KCNIP4: variants seen among roughly 807,000 people sequenced by gnomAD.
KCNIP4 encodes the protein Kv channel-interacting protein 4.
Under a neutral mutation model 34.0 loss-of-function variants are expected in KCNIP4, and 12 were observed. That is an observed-to-expected ratio of 0.35 (90% CI 0.23 to 0.57). The LOEUF (loss-of-function observed/expected upper bound fraction) is 0.57, where lower values mean the gene tolerates loss of function less well. Among genes scored for constraint, KCNIP4 ranks in the 20% least tolerant of loss-of-function variants. KCNIP4 has a pLI of 0.83. For synonymous variants in KCNIP4, 124 were observed against 102.2 expected (o/e 1.21, Z -1.29); for missense variants, 238 against 311.7 (o/e 0.76, Z 1.78).
At chr4:20,891,731 C>A (rs969607028) in intron 1 of KCNIP4, among the ~76,000 whole-genome samples, 6 of 152,102 alleles carry the variant, frequency 3.9e-5, no homozygotes, top group Non-Finnish European at 2.9e-5. Context: ...ATAGGGAGTA[C>A]ATTTTTTTAC....
chr4:21,289,231 T>G (rs897168917), intron 1 of KCNIP4, among the ~76,000 whole-genome samples: 3 of 152,238 alleles, frequency 2.0e-5, no homozygotes, highest in Non-Finnish European at 4.4e-5. Flanking sequence ...TAATGTGTAA[T>G]GATTCAATCA....
chr4:21,940,607 A>G (rs895787845), intron 1 of KCNIP4, among the ~76,000 whole-genome samples: 9 of 152,158 alleles, frequency 5.9e-5, no homozygotes, highest in Admixed American at 5.9e-4. Flanking sequence ...TATTTGCTGA[A>G]TTGATCTCAT....
chr4:21,883,149 C>T (rs1013888801), intron 1 of KCNIP4, among the ~76,000 whole-genome samples: 3 of 143,922 alleles, frequency 2.1e-5, no homozygotes, highest in Admixed American at 1.5e-4. Flanking sequence ...AAGTTTGTTT[C>T]TGAGTTGTTG....
intron 1 of KCNIP4, among the ~76,000 whole-genome samples, chr4:21,199,199 AG>A (rs1459469850): frequency 6.6e-6 from 1 of 152,210 alleles, no homozygotes; most frequent in Non-Finnish European, 1.5e-5. Flanking sequence ...ACAGTGTAAA[AG>A]TGTTCCTATT....
chr4:21,197,419 C>G (rs950124572), intron 1 of KCNIP4, among the ~76,000 whole-genome samples: 1 of 152,200 alleles, frequency 6.6e-6, no homozygotes, highest in South Asian at 2.1e-4. Context: ...CAATACAGCA[C>G]GTTGGATTGC....
intron 1 of KCNIP4, among the ~76,000 whole-genome samples, chr4:21,042,019 C>T (rs529379766): frequency 3.7e-4 from 56 of 152,290 alleles, no homozygotes; most frequent in Admixed American, 3.6e-3. Context: ...CAGGCATGTG[C>T]AAGCAGCCAG....
intron 1 of KCNIP4, among the ~76,000 whole-genome samples, chr4:20,914,867 C>G (rs1483593455): frequency 1.3e-5 from 2 of 152,180 alleles, no homozygotes; most frequent in Non-Finnish European, 1.5e-5. Flanking sequence ...TTCTAAAATA[C>G]ATTTGCTCCA....
intron 1 of KCNIP4, among the ~76,000 whole-genome samples, chr4:21,560,704 G>A (rs1413215732): frequency 6.6e-6 from 1 of 152,062 alleles, no homozygotes; most frequent in Non-Finnish European, 1.5e-5. Context: ...CATCAGCAAT[G>A]AAACCATTTG....
chr4:21,697,566 C>T (rs988846890), intron 1 of KCNIP4: 1 of 1,403,326 alleles, frequency 7.1e-7, no homozygotes, highest in Non-Finnish European at 9.1e-7. Flanking sequence ...CCTTACAACT[C>T]CTGTGGAATT....
At chr4:21,321,369 T>C (rs1714395226) in intron 1 of KCNIP4, among the ~76,000 whole-genome samples, 1 of 152,116 alleles carries the variant, frequency 6.6e-6, no homozygotes, top group African/African-American at 2.4e-5. Context: ...TTAAAGGAGA[T>C]AAATGCCTAT....
At chr4:21,476,477 C>G (rs1019935940) in intron 1 of KCNIP4, among the ~76,000 whole-genome samples, 1 of 152,064 alleles carries the variant, frequency 6.6e-6, no homozygotes, top group African/African-American at 2.4e-5. Context: ...CCCCTAAGGC[C>G]CCATGTGAGG....
Position 21,104,950 on chromosome 4 carries a change from C to T in KCNIP4, c.62-222241G>A, listed in dbSNP as rs1748358074. On this transcript the variant is annotated intron_variant, in intron 1 of 8. Transcript: ENST00000382152. Reference sequence around the variant, plus strand: ...GAGGACTCTGTTCTGTTCCATTGGTCTATATCTCTGTTTTGGTACAAGTAC... The same window carrying T: ...GAGGACTCTGTTCTGTTCCATTGGTTTATATCTCTGTTTTGGTACAAGTAC... 2.6e-5 allele frequency among the ~76,000 whole-genome samples: 4 copies of T among 151,582 alleles called. No individual in the cohort carries two copies. In the South Asian group the frequency reaches 8.3e-4, roughly 31 times the overall value.
chr4:21,612,783 C>T (rs1340255806), intron 1 of KCNIP4, among the ~76,000 whole-genome samples: 1 of 152,144 alleles, frequency 6.6e-6, no homozygotes, highest in Non-Finnish European at 1.5e-5. Context: ...TCCAGCACAG[C>T]AGGCAGCTTG....
intron 1 of KCNIP4, among the ~76,000 whole-genome samples, chr4:21,136,798 T>C (rs999293637): frequency 6.6e-6 from 1 of 152,200 alleles, no homozygotes; most frequent in Non-Finnish European, 1.5e-5. Context: ...GACTTAGATA[T>C]AAGGGTTGAG....
chr4:20,886,109 G>A lies in KCNIP4; in HGVS notation c.62-3400C>T, dbSNP rs533808638. Among the ~76,000 whole-genome samples, 3 of 152,278 alleles carry A rather than the reference G, an allele frequency of 2.0e-5. No individual in the cohort carries two copies. In the South Asian group the frequency reaches 6.2e-4, roughly 32 times the overall value. On this transcript the variant is annotated intron_variant, in intron 1 of 8. Coordinates refer to ENST00000382152, the MANE Select transcript of KCNIP4 (RefSeq NM_025221.6). ...GGAAGATGGAAGATGTCTACTTCTA[G>A]CCTTTACAGAATAAATGTTACTGGA...
chr4:21,861,893 C>T (rs1049258040), intron 1 of KCNIP4, among the ~76,000 whole-genome samples: 1 of 152,096 alleles, frequency 6.6e-6, no homozygotes, highest in Non-Finnish European at 1.5e-5. Flanking sequence ...AGTAAAACCC[C>T]ATCTTAACCA....
intron 1 of KCNIP4, among the ~76,000 whole-genome samples, chr4:21,004,125 G>A (rs937568205): frequency 6.6e-6 from 1 of 152,136 alleles, no homozygotes; most frequent in Non-Finnish European, 1.5e-5. Flanking sequence ...TGGATTTAAG[G>A]GGTGAGGAAA....
At chr4:21,669,049 G>A (rs891456040) in intron 1 of KCNIP4, among the ~76,000 whole-genome samples, 2 of 152,040 alleles carry the variant, frequency 1.3e-5, no homozygotes, top group Non-Finnish European at 2.9e-5. Context: ...CAATCAAGAG[G>A]AATACTTTTA....
chr4:21,892,043 G>T (rs535524928), intron 1 of KCNIP4, among the ~76,000 whole-genome samples: 1 of 152,064 alleles, frequency 6.6e-6, no homozygotes, highest in African/African-American at 2.4e-5. Context: ...ATTTACCGAG[G>T]TACATCCCTA....
Sources: allele counts gnomAD v4.1 joint callset (sites outside exome capture counted in the v4.1 genomes callset), GRCh38; gene constraint gnomAD v4.1.1; transcripts MANE v1.5; gene names NCBI Gene and HGNC (gene_info 2026-07-23, HGNC 2026-07-21).